ERBB4: variants seen among roughly 807,000 people sequenced by gnomAD.
ERBB4 encodes receptor tyrosine-protein kinase erbB-4.
ERBB4 carries 42 observed loss-of-function variants against 158.0 expected under a neutral mutation model. That is an observed-to-expected ratio of 0.27 (90% CI 0.21 to 0.34). The LOEUF (loss-of-function observed/expected upper bound fraction) is 0.34. Ranked by LOEUF, ERBB4 falls within the 10% of genes least tolerant of loss-of-function variation. ERBB4 has a pLI of 1.00. For missense variants in ERBB4, 1,333 were observed against 1,624.1 expected, an observed-to-expected ratio of 0.82 and a Z score of 3.08; for synonymous variants, 583 against 558.7, an observed-to-expected ratio of 1.04 and a Z score of -0.61.
At chr2:211,880,302 T>C (rs75017534) in intron 3 of ERBB4, among the ~76,000 whole-genome samples, 2,272 of 152,268 alleles carry the variant, frequency 0.015, 65 homozygotes, top group African/African-American at 0.053. Context: ...ATTAAAAATA[T>C]CTATTAGGGA....
chr2:211,696,952 G>A (rs534052335), intron 12 of ERBB4, among the ~76,000 whole-genome samples: 3 of 152,306 alleles, frequency 2.0e-5, no homozygotes, highest in Non-Finnish European at 2.9e-5. Context: ...TTACAGGCGT[G>A]AGCCACCATG....
rs146864937 is a variant in ERBB4, at chr2:212,209,871, C to T, written c.83-84968G>A. ...GTATGTTGTTTCCCATCCAATAGTC[C>T]AGAGTAGAGAAAAGACACCCTTTCC... is the stretch of plus-strand genomic sequence containing the variant. On this transcript the variant is annotated intron_variant, in intron 1 of 27. Coordinates refer to ENST00000342788, the MANE Select transcript of ERBB4 (RefSeq NM_005235.3). Among the ~76,000 whole-genome samples, 153 of 152,060 alleles carry T rather than the reference C, an allele frequency of 1.0e-3. 1 individual carries two copies. The highest frequency in any genetic ancestry group is 3.6e-3 in the African/African-American group (149 of 41,492).
At chr2:211,774,919 T>C (rs1479175711) in intron 4 of ERBB4, among the ~76,000 whole-genome samples, 1 of 152,172 alleles carries the variant, frequency 6.6e-6, no homozygotes, top group Non-Finnish European at 1.5e-5. Flanking sequence ...AATAGATTAG[T>C]CCAATGTAAT....
chr2:211,515,076 A>G (rs947637300), intron 20 of ERBB4, among the ~76,000 whole-genome samples: 2 of 152,174 alleles, frequency 1.3e-5, no homozygotes, highest in Non-Finnish European at 2.9e-5. Flanking sequence ...ACTGATTCTT[A>G]ATACAAATTG....
At chr2:211,402,161 A>AT (rs2063057628) in intron 25 of ERBB4, among the ~76,000 whole-genome samples, 1 of 152,022 alleles carries the variant, frequency 6.6e-6, no homozygotes, top group Non-Finnish European at 1.5e-5. Context: ...GTATAAATAT[A>AT]TCCCAGACTT....
intron 20 of ERBB4, among the ~76,000 whole-genome samples, chr2:211,504,041 A>G (rs2065682463): frequency 6.6e-6 from 1 of 152,124 alleles, no homozygotes; most frequent in Admixed American, 6.5e-5. Context: ...TGCAACTGCC[A>G]CCTACTGGCT....
intron 1 of ERBB4, among the ~76,000 whole-genome samples, chr2:212,517,379 A>G (rs1439661447): frequency 6.6e-6 from 1 of 152,072 alleles, no homozygotes; most frequent in Non-Finnish European, 1.5e-5. Flanking sequence ...TTTTCAGTAC[A>G]ATATTTGGGC....
intron 2 of ERBB4, among the ~76,000 whole-genome samples, chr2:212,055,777 T>C (rs980272272): frequency 7.9e-5 from 12 of 152,210 alleles, no homozygotes; most frequent in African/African-American, 2.7e-4. Context: ...ACCCCATCTG[T>C]ACATCACCAT....
At chr2:211,900,738 G>A (rs1283121746) in intron 3 of ERBB4, among the ~76,000 whole-genome samples, 2 of 152,022 alleles carry the variant, frequency 1.3e-5, no homozygotes, top group African/African-American at 4.8e-5. Context: ...GTCTCCCCAA[G>A]ACTTGTCACA....
intron 4 of ERBB4, among the ~76,000 whole-genome samples, chr2:211,757,740 T>C (rs974113010): frequency 5.3e-5 from 8 of 152,218 alleles, no homozygotes; most frequent in Non-Finnish European, 1.2e-4. Flanking sequence ...CCAGTTAATC[T>C]GGCACAAAAG....
chr2:211,918,253 C>T (rs573406716), intron 3 of ERBB4, among the ~76,000 whole-genome samples: 5 of 152,060 alleles, frequency 3.3e-5, no homozygotes, highest in Non-Finnish European at 5.9e-5. Context: ...GTTTACAGAA[C>T]TGAAAGTATT....
At chr2:211,821,622 G>A (rs2076996589) in intron 3 of ERBB4, among the ~76,000 whole-genome samples, 1 of 151,950 alleles carries the variant, frequency 6.6e-6, no homozygotes, top group Non-Finnish European at 1.5e-5. Context: ...CAAAGCTCTA[G>A]TAACCAAAAC....
chr2:212,526,263 T>C (rs1267376237), intron 1 of ERBB4, among the ~76,000 whole-genome samples: 1 of 152,020 alleles, frequency 6.6e-6, no homozygotes, highest in Admixed American at 6.6e-5. Flanking sequence ...TGCCATTCTA[T>C]TTGTCTTATC....
chr2:211,754,999 C>T (rs1375636932), intron 4 of ERBB4, among the ~76,000 whole-genome samples: 1 of 152,154 alleles, frequency 6.6e-6, no homozygotes, highest in Non-Finnish European at 1.5e-5. Context: ...CTGCGCCCGG[C>T]CTGCTATAAT....
intron 20 of ERBB4, among the ~76,000 whole-genome samples, chr2:211,468,563 T>C (rs927825811): frequency 6.6e-6 from 1 of 152,072 alleles, no homozygotes; most frequent in Non-Finnish European, 1.5e-5. Context: ...ATGTAGTTCT[T>C]GTGAAATAAG....
At chr2:211,556,809 T>A (rs11894975) in intron 20 of ERBB4, among the ~76,000 whole-genome samples, 3 of 152,074 alleles carry the variant, frequency 2.0e-5, no homozygotes, top group Admixed American at 2.0e-4. Context: ...CCAAAGCAAT[T>A]CTAAGCAAAA....
intron 3 of ERBB4, among the ~76,000 whole-genome samples, chr2:211,888,977 C>T (rs966981631): frequency 8.7e-5 from 13 of 149,182 alleles, no homozygotes; most frequent in African/African-American, 1.5e-4. Flanking sequence ...GGGGGAGGGG[C>T]GCCCGCCATT....
intron 1 of ERBB4, among the ~76,000 whole-genome samples, chr2:212,334,969 T>C (rs532668830): frequency 4.6e-5 from 7 of 152,128 alleles, no homozygotes; most frequent in East Asian, 1.9e-4. Context: ...TCAGGGTTTA[T>C]ATTTGGATAA....
At chr2:212,114,686 T>G (rs140078959) in intron 2 of ERBB4, among the ~76,000 whole-genome samples, 35 of 152,326 alleles carry the variant, frequency 2.3e-4, no homozygotes, top group Non-Finnish European at 3.8e-4. Context: ...CGAAATGATG[T>G]TGAAACAACC....
Sources: allele counts gnomAD v4.1 joint callset (sites outside exome capture counted in the v4.1 genomes callset), GRCh38; gene constraint gnomAD v4.1.1; transcripts MANE v1.5; gene names NCBI Gene and HGNC (gene_info 2026-07-23, HGNC 2026-07-21).